The following PCLO variants were observed in gnomAD, a reference collection of about 807,000 sequenced individuals.
The protein encoded by PCLO is piccolo presynaptic cytomatrix protein, also known as protein piccolo.
PCLO carries 82 observed loss-of-function variants against 427.5 expected under a neutral mutation model. That is an observed-to-expected ratio of 0.19 (90% CI 0.16 to 0.23). PCLO has a LOEUF of 0.23. Among genes scored for constraint, PCLO ranks in the 10% least tolerant of loss-of-function variants. The pLI is 1.00. For synonymous variants in PCLO, 2,357 were observed against 2,155.4 expected (o/e 1.09, Z -2.59); for missense variants, 6,239 against 6,115.9 (o/e 1.02, Z -0.67).
Position 82,953,062 on chromosome 7 carries a change from T to G in PCLO, c.7891A>C (p.Ile2631Leu). 6.2e-7 allele frequency: 1 copy of G among 1,613,962 alleles called. No homozygotes were observed. The highest frequency in any genetic ancestry group is 2.2e-5 in the East Asian group (1 of 44,884). The stretch of plus-strand genomic sequence containing the variant: ...AAGGTCTGTTCTGAAGAAATTGGAA[T>G]TTCTACAGCTGTCACAGGAGGAACT... ...SVVPPVTAVE[I>L]PISSEQTFYI... is the part of the protein sequence containing the mutation. Residue 2631 changes from isoleucine to leucine, a missense_variant, in exon 5 of 25, where the codon ATT (isoleucine) becomes CTT (leucine). Around this residue, in one of 5 missense-constraint regions of PCLO, gnomAD observed 4,677 missense variants for 4,468.4 expected, o/e 1.05. Transcript: ENST00000333891.
At chr7:82,774,452 G>T (rs1790707960) in intron 22 of PCLO, among the ~76,000 whole-genome samples, 1 of 151,980 alleles carries the variant, frequency 6.6e-6, no homozygotes, top group Admixed American at 6.6e-5. Context: ...TACCTTGCAG[G>T]GTAACTTTAT....
At chr7:83,089,379 AACAT>A (rs1238790346) in intron 3 of PCLO, among the ~76,000 whole-genome samples, 1 of 152,028 alleles carries the variant, frequency 6.6e-6, no homozygotes, top group East Asian at 1.9e-4. Context: ...CTTATTCTAG[AACAT>A]ACAGTGTTCC....
At chr7:83,072,597 G>A (rs1258763753) in intron 3 of PCLO, among the ~76,000 whole-genome samples, 2 of 151,842 alleles carry the variant, frequency 1.3e-5, no homozygotes, top group Non-Finnish European at 2.9e-5. Context: ...TGAGACCTTG[G>A]CCATATTACC....
In PCLO at chr7:82,794,466, T is replaced by C. The variant is rs1214625051; in HGVS notation, c.15007+7052A>G. Among the ~76,000 whole-genome samples the C allele has an allele frequency of 3.5e-3, 254 of 72,516 alleles. 4 individuals are homozygous for C. Among genetic ancestry groups the C allele is most frequent in the East Asian group, 9.0e-3 (19 of 2,110 alleles). 47.6% of individuals were successfully genotyped at this position (72,516 alleles called of 152,430 possible). ...AGTTCATAAATTTTTTTTCTTTTTT[T>C]TTTTTTTTTTTTTTTTTTTTTTTGA... On this transcript the variant is annotated intron_variant, in intron 22 of 24. Transcript: ENST00000333891.
intron 3 of PCLO, among the ~76,000 whole-genome samples, chr7:83,113,782 G>A (rs1584041154): frequency 1.3e-5 from 2 of 151,966 alleles, no homozygotes; most frequent in Non-Finnish European, 2.9e-5. Flanking sequence ...GATATTAAGT[G>A]CTACAAACAA....
intron 6 of PCLO, among the ~76,000 whole-genome samples, chr7:82,920,019 C>A (rs776347458): frequency 1.3e-5 from 2 of 151,510 alleles, no homozygotes; most frequent in African/African-American, 2.4e-5. Context: ...AGAGGACAGA[C>A]AGAAATACAA....
chr7:82,900,702 G>GA (rs1046877091), intron 9 of PCLO, among the ~76,000 whole-genome samples: 4 of 151,188 alleles, frequency 2.6e-5, no homozygotes, highest in Non-Finnish European at 4.4e-5. Context: ...TCCTGGACCA[G>GA]AAAAAAAATA....
intron 22 of PCLO, among the ~76,000 whole-genome samples, chr7:82,782,299 G>C (rs1790889713): frequency 6.6e-6 from 1 of 152,140 alleles, no homozygotes; most frequent in South Asian, 2.1e-4. Flanking sequence ...GCTTGTTGTG[G>C]TGTGAGAATT....
chr7:83,152,018 G>A (rs1005441898), intron 2 of PCLO, among the ~76,000 whole-genome samples: 10 of 150,884 alleles, frequency 6.6e-5, no homozygotes, highest in Non-Finnish European at 4.4e-5. Flanking sequence ...AGGCTGGAAT[G>A]CAGTGGCGTG....
chr7:82,828,019 C>G (rs1791992618), intron 16 of PCLO, 53 bp from the exon 17 acceptor site: 2 of 988,058 alleles, frequency 2.0e-6, no homozygotes, highest in African/African-American at 3.2e-5. Context: ...TAGTTTATGA[C>G]TTCACAGTTA....
chr7:82,848,176 T>G lies in PCLO; in HGVS notation c.13655-929A>C, dbSNP rs1178212321. Among the ~76,000 whole-genome samples, 4 of 152,100 alleles carry G rather than the reference T, an allele frequency of 2.6e-5. No homozygotes were observed. In the South Asian group the frequency reaches 6.2e-4, roughly 24 times the overall value. On this transcript the variant is annotated intron_variant, in intron 10 of 24. Transcript: ENST00000333891. ...TGGCATGATTCACATTGTCCTGACA[T>G]GCAGCTATGTGAACTGGGTACAGTA... is the stretch of plus-strand genomic sequence containing the variant.
chr7:83,089,498 A>T (rs1448260052), intron 3 of PCLO, among the ~76,000 whole-genome samples: 1 of 151,978 alleles, frequency 6.6e-6, no homozygotes, highest in Non-Finnish European at 1.5e-5. Context: ...GTGCAGGTAC[A>T]CCTCTCCAGA....
chr7:83,156,403 TAAAAAA>T lies in PCLO; in HGVS notation c.249-17_249-12del. 4.7e-6 allele frequency: 5 copies of T among 1,062,282 alleles called. No homozygotes were observed. Among genetic ancestry groups the T allele is most frequent in the Non-Finnish European group, 6.3e-6 (5 of 790,828 alleles). 65.8% of individuals were successfully genotyped at this position (1,062,282 alleles called of 1,614,324 possible). On this transcript the variant is annotated splice_polypyrimidine_tract_variant and intron_variant, in intron 1 of 24. Coordinates refer to ENST00000333891, the MANE Select transcript of PCLO (RefSeq NM_033026.6). ...TCCAACTCTTGTTTCCTAGAAGAGT[TAAAAAA>T]AAAAAAAAAAATCAAGTGAAAATAA...
intron 20 of PCLO, chr7:82,822,200 T>C (rs1283697769): frequency 4.9e-6 from 6 of 1,231,246 alleles, no homozygotes; most frequent in Non-Finnish European, 6.1e-6. Context: ...ACACACAACA[T>C]TGCTTTGCTT....
rs1209162419 is a variant in PCLO, at chr7:83,093,477, G to GTGTGTGT, written c.3300+40772_3300+40773insACACACA. Among the ~76,000 whole-genome samples, 315 of 92,140 alleles carry GTGTGTGT rather than the reference G, an allele frequency of 3.4e-3. 6 individuals carry two copies. The highest frequency in any genetic ancestry group is 0.013 in the African/African-American group (297 of 22,766). The allele number at this position is 92,140 out of a possible 152,430, so 60.4% of individuals were successfully genotyped here. On this transcript the variant is annotated intron_variant, in intron 3 of 24. Coordinates refer to ENST00000333891, the MANE Select transcript of PCLO (RefSeq NM_033026.6). The stretch of plus-strand genomic sequence containing the variant: ...AAACATATATATGTGTGTGTGTATA[G>GTGTGTGT]ATATATATATATATATTTTTTTTTT...
chr7:83,028,133 A>C (rs1788554803), intron 3 of PCLO, among the ~76,000 whole-genome samples: 1 of 152,118 alleles, frequency 6.6e-6, no homozygotes, highest in Non-Finnish European at 1.5e-5. Context: ...AAGGAAATAA[A>C]GGGTATTCAA....
intron 3 of PCLO, among the ~76,000 whole-genome samples, chr7:82,995,437 G>A (rs1353644367): frequency 6.6e-6 from 1 of 151,958 alleles, no homozygotes; most frequent in Non-Finnish European, 1.5e-5. Context: ...AAGAACCAAT[G>A]GTTTTGATAA....
At chr7:83,073,651 A>C (rs554003648) in intron 3 of PCLO, among the ~76,000 whole-genome samples, 6 of 152,080 alleles carry the variant, frequency 3.9e-5, no homozygotes, top group Non-Finnish European at 8.8e-5. Flanking sequence ...ATTAATTCTA[A>C]ATTGCTTAGG....
intron 22 of PCLO, among the ~76,000 whole-genome samples, chr7:82,776,592 C>T (rs116608407): frequency 0.02 from 3,019 of 152,236 alleles, 102 homozygotes; most frequent in African/African-American, 0.069. Context: ...ATCAGAAGTT[C>T]CAGATCATCT....
Sources: gnomAD v4.1 joint callset for allele counts (sites outside exome capture counted in the v4.1 genomes callset) on GRCh38, gnomAD v4.1.1 for gene constraint, gnomAD v4.1.1 regional missense constraint, MANE v1.5 for transcripts, NCBI Gene and HGNC (gene_info 2026-07-23, HGNC 2026-07-21) for gene names.